LEPR: variants seen among roughly 807,000 people sequenced by gnomAD.
LEPR encodes leptin receptor, also known as OB receptor.
Under a neutral mutation model 114.7 loss-of-function variants are expected in LEPR, and 56 were observed. That is an observed-to-expected ratio of 0.49 (90% CI 0.39 to 0.61). The LOEUF (loss-of-function observed/expected upper bound fraction) is 0.61, where lower values mean the gene tolerates loss of function less well. Ranked by LOEUF, LEPR falls within the 20% of genes least tolerant of loss-of-function variation. The pLI, the probability that LEPR is intolerant of heterozygous loss-of-function variation, is 0.00. For missense variants in LEPR, 1,202 were observed against 1,352.9 expected, an observed-to-expected ratio of 0.89 and a Z score of 1.75; for synonymous variants, 443 against 461.4, an observed-to-expected ratio of 0.96 and a Z score of 0.51.
intron 2 of LEPR, among the ~76,000 whole-genome samples, chr1:65,483,879 G>C (rs1342010285): frequency 6.8e-6 from 1 of 147,136 alleles, no homozygotes. Context: ...CTTCTTCCTT[G>C]TTTTTTTTTC....
At chr1:65,438,755 C>G (rs1187993115) in intron 2 of LEPR, among the ~76,000 whole-genome samples, 1 of 151,660 alleles carries the variant, frequency 6.6e-6, no homozygotes, top group East Asian at 1.9e-4. Context: ...TGAATTTATC[C>G]TCATGCAGGT....
chr1:65,599,173 A>G (rs1656274566), intron 8 of LEPR, among the ~76,000 whole-genome samples: 1 of 152,180 alleles, frequency 6.6e-6, no homozygotes, highest in Non-Finnish European at 1.5e-5. Flanking sequence ...TTTATATTAT[A>G]TAATAAATGA....
At chr1:65,424,283 A>G (rs975489926) in intron 1 of LEPR, among the ~76,000 whole-genome samples, 4 of 152,236 alleles carry the variant, frequency 2.6e-5, no homozygotes, top group African/African-American at 9.6e-5. Flanking sequence ...CAATCTTCAA[A>G]TACTTGCAGT....
At chr1:65,452,447 C>T (rs1476420120) in intron 2 of LEPR, among the ~76,000 whole-genome samples, 17 of 150,392 alleles carry the variant, frequency 1.1e-4, no homozygotes, top group Non-Finnish European at 2.1e-4. Flanking sequence ...TTTTGAGATA[C>T]GTCCCATCAA....
At chr1:65,539,488 T>A (rs552016269) in intron 2 of LEPR, among the ~76,000 whole-genome samples, 27 of 152,336 alleles carry the variant, frequency 1.8e-4, no homozygotes. Flanking sequence ...CTGCCATTTA[T>A]GCTAAAGGCC....
At chr1:65,453,969 T>C (rs926736200) in intron 2 of LEPR, among the ~76,000 whole-genome samples, 9 of 151,652 alleles carry the variant, frequency 5.9e-5, no homozygotes, top group African/African-American at 1.9e-4. Flanking sequence ...GGTGCTCCTG[T>C]ATTGGGTGCA....
At chr1:65,582,601 G>A (rs1161351135) in intron 5 of LEPR, among the ~76,000 whole-genome samples, 1 of 152,162 alleles carries the variant, frequency 6.6e-6, no homozygotes, top group African/African-American at 2.4e-5. Context: ...TTTCTCTAAT[G>A]ATTGCTTTTC....
At chr1:65,514,040 G>T (rs567114205) in intron 2 of LEPR, among the ~76,000 whole-genome samples, 1 of 152,314 alleles carries the variant, frequency 6.6e-6, no homozygotes, top group South Asian at 2.1e-4. Flanking sequence ...CCTTGGGGAA[G>T]TCATATTTTA....
chr1:65,492,813 CTT>C (rs559527193), intron 2 of LEPR, among the ~76,000 whole-genome samples: 1 of 141,010 alleles, frequency 7.1e-6, no homozygotes, highest in African/African-American at 2.6e-5. Context: ...ATTCATCCAT[CTT>C]TTTTTTTTTT....
chr1:65,530,562 A>G (rs1650315741), intron 2 of LEPR, among the ~76,000 whole-genome samples: 1 of 152,060 alleles, frequency 6.6e-6, no homozygotes, highest in South Asian at 2.1e-4. Context: ...TTTAGACCAT[A>G]TTGGGTAACT....
At chr1:65,441,603 A>G (rs1646649987) in intron 2 of LEPR, among the ~76,000 whole-genome samples, 1 of 152,208 alleles carries the variant, frequency 6.6e-6, no homozygotes, top group South Asian at 2.1e-4. Flanking sequence ...GCTATGGCCC[A>G]CGACAGGGAA....
chr1:65,586,613 C>T (rs1003417378), intron 5 of LEPR, among the ~76,000 whole-genome samples: 6 of 151,708 alleles, frequency 4.0e-5, no homozygotes, highest in Admixed American at 3.9e-4. Flanking sequence ...TATCATGAAA[C>T]AGTCTTTTTT....
intron 5 of LEPR, among the ~76,000 whole-genome samples, chr1:65,579,002 A>G (rs913419843): frequency 3.9e-5 from 6 of 152,156 alleles, no homozygotes; most frequent in Non-Finnish European, 7.3e-5. Flanking sequence ...TCATTTCCAC[A>G]TGGAGGTCAC....
intron 14 of LEPR, among the ~76,000 whole-genome samples, chr1:65,611,434 T>A (rs891240573): frequency 1.7e-4 from 26 of 152,176 alleles, no homozygotes; most frequent in African/African-American, 5.6e-4. Flanking sequence ...TTTCTCATAT[T>A]TTTGGTTTTA....
In LEPR at chr1:65,476,722, A is replaced by G. The variant is rs545168161; in HGVS notation, c.-21+51344A>G. 1.1e-4 allele frequency among the ~76,000 whole-genome samples: 17 copies of G among 152,282 alleles called. No homozygotes were observed. In the South Asian group the frequency reaches 3.5e-3, roughly 32 times the overall value. On this transcript the variant is annotated intron_variant, in intron 2 of 19. Coordinates refer to ENST00000349533, the MANE Select transcript of LEPR (RefSeq NM_002303.6). ...ATGGATTACATAACTCATTTCTCAC[A>G]ATGCACTATGAGATATTTACATATA...
intron 6 of LEPR, among the ~76,000 whole-genome samples, chr1:65,593,822 A>G (rs1395704345): frequency 6.6e-6 from 1 of 152,052 alleles, no homozygotes; most frequent in African/African-American, 2.4e-5. Context: ...TCGTGAAGTT[A>G]TACCATAGAG....
chr1:65,618,095 G>A lies in LEPR; in HGVS notation c.2344G>A (p.Glu782Lys). The A allele has an allele frequency of 6.2e-7, 1 of 1,610,978 alleles. No homozygotes were observed. The change falls in exon 16 of 20, where the codon GAA becomes AAA. Residue 782 changes from glutamate (E) to lysine (K), a missense_variant. Coordinates refer to ENST00000349533, the MANE Select transcript of LEPR (RefSeq NM_002303.6). The part of the protein sequence containing the change: ...IEWKNLNEDG[E>K]IKWLRISSSV... Reference sequence around the variant, plus strand: ...GTGGAAAAATCTTAATGAAGATGGTGAAATAAAATGGCTTAGAATCTCTTC... The same window carrying A: ...GTGGAAAAATCTTAATGAAGATGGTAAAATAAAATGGCTTAGAATCTCTTC...
intron 2 of LEPR, among the ~76,000 whole-genome samples, chr1:65,481,821 C>CT (rs1456384935): frequency 7.3e-6 from 1 of 136,326 alleles, no homozygotes; most frequent in Non-Finnish European, 1.6e-5. Context: ...GCTAATGTTA[C>CT]TAAAAAAAAA....
intron 2 of LEPR, among the ~76,000 whole-genome samples, chr1:65,545,324 T>G (rs561607568): frequency 1.3e-5 from 2 of 152,262 alleles, no homozygotes; most frequent in East Asian, 3.9e-4. Flanking sequence ...ATACACCCAG[T>G]AATGGGATGG....
Sources: allele counts gnomAD v4.1 joint callset (sites outside exome capture counted in the v4.1 genomes callset), GRCh38; gene constraint gnomAD v4.1.1; transcripts MANE v1.5; gene names NCBI Gene and HGNC (gene_info 2026-07-23, HGNC 2026-07-21).